The following FHIT variants were observed in gnomAD, a reference collection of about 807,000 sequenced individuals.
FHIT encodes bis(5'-adenosyl)-triphosphatase.
A neutral mutation model predicts 17.9 loss-of-function variants in FHIT; 19 were observed. That is an observed-to-expected ratio of 1.06 (90% CI 0.74 to 1.56). The LOEUF is 1.56. FHIT is among the 40% of genes most tolerant of loss of function. The pLI, the probability that FHIT is intolerant of heterozygous loss-of-function variation, is 0.00. For synonymous variants in FHIT, 81 were observed against 69.7 expected (o/e 1.16, Z -0.81); for missense variants, 248 against 189.2 (o/e 1.31, Z -1.82).
At chr3:60,580,142 TA>T (rs2037705830) in intron 4 of FHIT, among the ~76,000 whole-genome samples, 1 of 152,150 alleles carries the variant, frequency 6.6e-6, no homozygotes, top group Non-Finnish European at 1.5e-5. Flanking sequence ...GTTCCAACTC[TA>T]AAATTTAAAA....
intron 3 of FHIT, among the ~76,000 whole-genome samples, chr3:60,949,584 C>A (rs1708790809): frequency 6.6e-6 from 1 of 152,182 alleles, no homozygotes; most frequent in Non-Finnish European, 1.5e-5. Flanking sequence ...CTTCCCTCCT[C>A]CCTATCCTGT....
intron 3 of FHIT, among the ~76,000 whole-genome samples, chr3:61,027,861 T>C (rs1366183165): frequency 3.9e-5 from 6 of 152,224 alleles, no homozygotes; most frequent in Admixed American, 6.5e-5. Flanking sequence ...ATAAATTACA[T>C]GTTACATGTC....
chr3:60,266,827 G>A (rs887173357), intron 5 of FHIT, among the ~76,000 whole-genome samples: 4 of 152,010 alleles, frequency 2.6e-5, no homozygotes, highest in African/African-American at 9.7e-5. Context: ...ATCTTGAGAA[G>A]GTATTTAGAC....
At chr3:59,826,911 C>T (rs923843853) in intron 8 of FHIT, among the ~76,000 whole-genome samples, 1 of 152,216 alleles carries the variant, frequency 6.6e-6, no homozygotes, top group Non-Finnish European at 1.5e-5. Flanking sequence ...CTTATGGCAT[C>T]CTAAGGGCAC....
chr3:60,477,004 A>C (rs1304134653), intron 5 of FHIT, among the ~76,000 whole-genome samples: 2 of 152,134 alleles, frequency 1.3e-5, no homozygotes. Flanking sequence ...GTATATGTTT[A>C]AGTACGTATA....
intron 4 of FHIT, among the ~76,000 whole-genome samples, chr3:60,576,075 A>T (rs561227081): frequency 6.6e-6 from 1 of 152,232 alleles, no homozygotes; most frequent in South Asian, 2.1e-4. Flanking sequence ...CATTGAGCAA[A>T]CACCAGGGAG....
Position 60,938,724 on chromosome 3 carries a change from C to T in FHIT, c.-111+103323G>A, listed in dbSNP as rs79514419. On this transcript the variant is annotated intron_variant, in intron 3 of 9. Transcript: ENST00000492590. ...GGCTGCAGCTCTCTACATCCATTGCCGTAACAGAAATGGCCTTGCCAATAG... is the reference window on the plus strand; with the variant it reads ...GGCTGCAGCTCTCTACATCCATTGCTGTAACAGAAATGGCCTTGCCAATAG... 1.7e-3 allele frequency among the ~76,000 whole-genome samples: 262 copies of T among 152,248 alleles called. 1 individual carries two copies. Among genetic ancestry groups the T allele is most frequent in the African/African-American group, 6.0e-3 (249 of 41,538 alleles).
intron 5 of FHIT, among the ~76,000 whole-genome samples, chr3:60,066,629 AATTTTTTTTTTTTTT>A (rs2106949391): frequency 2.1e-5 from 2 of 95,496 alleles, no homozygotes; most frequent in African/African-American, 6.9e-5. Context: ...ATCCCTGACA[AATTTTTTTTTTTTTT>A]TTTTTTTTTT....
At chr3:60,178,909 T>C (rs1464272417) in intron 5 of FHIT, among the ~76,000 whole-genome samples, 1 of 152,170 alleles carries the variant, frequency 6.6e-6, no homozygotes, top group Non-Finnish European at 1.5e-5. Context: ...GCGTTTTAGC[T>C]TGGGGACGAT....
chr3:60,843,803 T>G (rs1438156895), intron 3 of FHIT, among the ~76,000 whole-genome samples: 6 of 152,170 alleles, frequency 3.9e-5, no homozygotes, highest in Non-Finnish European at 8.8e-5. Context: ...GAGAATGACC[T>G]AGTGTTCATC....
intron 3 of FHIT, among the ~76,000 whole-genome samples, chr3:61,019,518 T>C (rs75215206): frequency 0.023 from 3,441 of 152,316 alleles, 62 homozygotes; most frequent in African/African-American, 0.049. Context: ...GTCTAATAGA[T>C]TGCCATATGC....
chr3:60,904,861 C>G (rs1706316963), intron 3 of FHIT, among the ~76,000 whole-genome samples: 1 of 151,086 alleles, frequency 6.6e-6, no homozygotes, highest in African/African-American at 2.4e-5. Context: ...ATTGCTTGAA[C>G]CCGGGAGGCG....
Position 60,173,907 on chromosome 3 carries a change from A to T in FHIT, c.104-159755T>A, listed in dbSNP as rs1431185816. Among the ~76,000 whole-genome samples the T allele has an allele frequency of 3.5e-4, 26 of 73,356 alleles. 1 individual carries two copies. In the East Asian group the frequency reaches 4.1e-3, roughly 11 times the overall value. 48.1% of individuals were successfully genotyped at this position (73,356 alleles called of 152,430 possible). On this transcript the variant is annotated intron_variant, in intron 5 of 9. Coordinates refer to ENST00000492590, the MANE Select transcript of FHIT (RefSeq NM_002012.4). The stretch of plus-strand genomic sequence containing the variant: ...CTAATATATATATATATATATATAT[A>T]TATATATATGTTTTTTTTTTTTTTT...
intron 8 of FHIT, among the ~76,000 whole-genome samples, chr3:59,877,432 G>A (rs1011132818): frequency 1.1e-4 from 17 of 152,198 alleles, no homozygotes. Flanking sequence ...TCTGCGACAT[G>A]AAGATATGGC....
At chr3:59,771,286 T>C (rs893916262) in intron 8 of FHIT, among the ~76,000 whole-genome samples, 5 of 152,196 alleles carry the variant, frequency 3.3e-5, no homozygotes, top group Non-Finnish European at 4.4e-5. Context: ...AGAATGAACC[T>C]GCTCTATAAA....
chr3:60,648,505 G>T (rs369882704), intron 4 of FHIT, among the ~76,000 whole-genome samples: 2 of 152,060 alleles, frequency 1.3e-5, no homozygotes. Flanking sequence ...GGATTTGGGG[G>T]AGGGTAGAAG....
intron 8 of FHIT, among the ~76,000 whole-genome samples, chr3:59,791,820 A>G (rs1441591488): frequency 1.3e-5 from 2 of 152,176 alleles, no homozygotes; most frequent in Non-Finnish European, 1.5e-5. Flanking sequence ...TCAAACTCTC[A>G]TAGAAGAAGG....
chr3:60,166,197 G>A (rs899625948), intron 5 of FHIT, among the ~76,000 whole-genome samples: 1 of 151,970 alleles, frequency 6.6e-6, no homozygotes, highest in Non-Finnish European at 1.5e-5. Flanking sequence ...AAAAAAATAG[G>A]GTTGTCAAAG....
intron 5 of FHIT, among the ~76,000 whole-genome samples, chr3:60,227,775 G>A (rs1369050810): frequency 6.6e-6 from 1 of 152,150 alleles, no homozygotes; most frequent in Non-Finnish European, 1.5e-5. Flanking sequence ...TCTGTAGAAT[G>A]AAAGTGACTG....
Sources: allele counts gnomAD v4.1 joint callset (sites outside exome capture counted in the v4.1 genomes callset), GRCh38; gene constraint gnomAD v4.1.1; transcripts MANE v1.5; gene names NCBI Gene and HGNC (gene_info 2026-07-23, HGNC 2026-07-21).